Variants in NCOA2 observed in about 807,000 individuals in gnomAD.
NCOA2 encodes the protein nuclear receptor coactivator 2, also known as class E basic helix-loop-helix protein 75.
NCOA2 carries 21 observed loss-of-function variants against 145.1 expected under a neutral mutation model. That is an observed-to-expected ratio of 0.14 (90% confidence interval 0.10 to 0.21). The LOEUF (loss-of-function observed/expected upper bound fraction) is 0.21, where lower values mean the gene tolerates loss of function less well. NCOA2 is among the 10% of genes least tolerant of loss of function. The pLI is 1.00. For synonymous variants in NCOA2, 619 were observed against 637.5 expected (o/e 0.97, Z 0.44); for missense variants, 1,472 against 1,837.6 (o/e 0.80, Z 3.64).
rs10649567 is a variant in NCOA2, at chr8:70,330,216, A to G, written c.-76-33416T>C. Among the ~76,000 whole-genome samples, 592 of 150,898 alleles carry G rather than the reference A, an allele frequency of 3.9e-3. 9 individuals carry two copies. Among genetic ancestry groups the G allele is most frequent in the African/African-American group, 0.013 (537 of 40,956 alleles). ...AATAAATGATGATGATGATGATGATAATGATGATGATGATGATGATGATCT... is the reference window on the plus strand; with the variant it reads ...AATAAATGATGATGATGATGATGATGATGATGATGATGATGATGATGATCT... On this transcript the variant is annotated intron_variant, in intron 1 of 22. Coordinates refer to ENST00000452400, the MANE Select transcript of NCOA2 (RefSeq NM_006540.4).
chr8:70,389,557 G>C (rs896241505), intron 1 of NCOA2, among the ~76,000 whole-genome samples: 2 of 152,020 alleles, frequency 1.3e-5, no homozygotes, highest in African/African-American at 2.4e-5. Context: ...TGGGATTACA[G>C]GCATGAGCCA....
At chr8:70,211,124 G>C (rs1324658470) in intron 4 of NCOA2, among the ~76,000 whole-genome samples, 2 of 152,086 alleles carry the variant, frequency 1.3e-5, no homozygotes, top group Non-Finnish European at 2.9e-5. Context: ...GGAGTGGTAC[G>C]CATGGGTTGC....
At chr8:70,267,770 A>G (rs1233776913) in intron 2 of NCOA2, among the ~76,000 whole-genome samples, 4 of 152,164 alleles carry the variant, frequency 2.6e-5, no homozygotes, top group African/African-American at 7.2e-5. Context: ...ATAAAATTCT[A>G]TTTTTAAAAT....
intron 5 of NCOA2, among the ~76,000 whole-genome samples, chr8:70,174,168 T>C (rs959016597): frequency 6.6e-6 from 1 of 152,204 alleles, no homozygotes; most frequent in Non-Finnish European, 1.5e-5. Context: ...GTTAATAAAA[T>C]AGAAAAACTG....
chr8:70,366,272 A>G (rs1586608728), intron 1 of NCOA2, among the ~76,000 whole-genome samples: 1 of 152,306 alleles, frequency 6.6e-6, no homozygotes, highest in Middle Eastern at 3.4e-3. Context: ...GATTTGAGAA[A>G]AGGACACAGA....
At chr8:70,434,143 CT>C in the NCOA2 span, among the ~76,000 whole-genome samples, 2 of 152,136 alleles carry the variant, frequency 1.3e-5, no homozygotes, top group African/African-American at 4.8e-5. Flanking sequence ...CAAGGAGGAG[CT>C]CCAAAATAAT....
intron 1 of NCOA2, among the ~76,000 whole-genome samples, chr8:70,367,533 G>A (rs1810824786): frequency 6.6e-6 from 1 of 152,120 alleles, no homozygotes; most frequent in Non-Finnish European, 1.5e-5. Flanking sequence ...TGGAGTTACT[G>A]CACAGAGGGA....
In NCOA2 at chr8:70,138,236, G is replaced by T; in HGVS notation, c.3125C>A (p.Pro1042His). Residue 1042 changes from proline to histidine, a missense_variant, in exon 15 of 23, where the codon CCT becomes CAT. Coordinates refer to ENST00000452400, the MANE Select transcript of NCOA2 (RefSeq NM_006540.4). ...GCTGGCAAAAGACGCCTGGTCTATA[G>T]GCAGGATGCTTTCAGGCCATGGGGC... Reference protein sequence around the residue: ...QTAPWPESILPIDQASFASQN... With the variant: ...QTAPWPESILHIDQASFASQN... 6.2e-7 allele frequency: 1 copy of T among 1,613,854 alleles called. No individual in the cohort carries two copies. The highest frequency in any genetic ancestry group is 8.5e-7 in the Non-Finnish European group (1 of 1,179,808).
At chr8:70,438,300 A>G in the NCOA2 span, among the ~76,000 whole-genome samples, 1 of 152,316 alleles carries the variant, frequency 6.6e-6, no homozygotes, top group African/African-American at 2.4e-5. Flanking sequence ...TTCTATTAAA[A>G]GTGTATTGTA....
At chr8:70,455,457 T>G in the NCOA2 span, among the ~76,000 whole-genome samples, 1 of 152,222 alleles carries the variant, frequency 6.6e-6, no homozygotes, top group Admixed American at 6.5e-5. Context: ...GTTTACCTGG[T>G]GTATTTCAGG....
chr8:70,118,040 C>A (rs990179065), intron 22 of NCOA2, among the ~76,000 whole-genome samples: 3 of 152,080 alleles, frequency 2.0e-5, no homozygotes, highest in Admixed American at 6.5e-5. Flanking sequence ...GGGGCCCATG[C>A]AATATTTGAG....
chr8:70,362,138 T>G (rs1253317887), intron 1 of NCOA2, among the ~76,000 whole-genome samples: 1 of 152,104 alleles, frequency 6.6e-6, no homozygotes, highest in East Asian at 1.9e-4. Context: ...TGTATTGCCC[T>G]AAAGGACCTA....
At chr8:70,432,951 G>T in the NCOA2 span, among the ~76,000 whole-genome samples, 17,676 of 151,976 alleles carry the variant, frequency 0.12, 1,149 homozygotes, top group Middle Eastern at 0.22. Context: ...TTTATATATT[G>T]ATTACAGGCT....
the NCOA2 span, among the ~76,000 whole-genome samples, chr8:70,408,867 A>T: frequency 6.9e-6 from 1 of 144,204 alleles, no homozygotes; most frequent in Non-Finnish European, 1.5e-5. Flanking sequence ...GGCTGAAGTG[A>T]TCTGCCCACC....
chr8:70,392,350 T>C (rs546705030), intron 1 of NCOA2, among the ~76,000 whole-genome samples: 5 of 152,354 alleles, frequency 3.3e-5, no homozygotes, highest in East Asian at 1.9e-4. Flanking sequence ...CGTTCATTGG[T>C]TGGTGGCAGA....
chr8:70,285,632 C>A (rs923486797), intron 2 of NCOA2, among the ~76,000 whole-genome samples: 1 of 152,206 alleles, frequency 6.6e-6, no homozygotes, highest in Non-Finnish European at 1.5e-5. Flanking sequence ...CTTTGTAATC[C>A]CATTCACGTA....
chr8:70,236,055 C>T (rs903868136), intron 2 of NCOA2, among the ~76,000 whole-genome samples: 1 of 152,024 alleles, frequency 6.6e-6, no homozygotes, highest in African/African-American at 2.4e-5. Context: ...CATTTTTATT[C>T]CCCGCCCCCA....
At chr8:70,333,769 C>T (rs924071458) in intron 1 of NCOA2, among the ~76,000 whole-genome samples, 1 of 152,094 alleles carries the variant, frequency 6.6e-6, no homozygotes, top group African/African-American at 2.4e-5. Flanking sequence ...GATTCTTCAC[C>T]CAGACTGTTA....
intron 2 of NCOA2, among the ~76,000 whole-genome samples, chr8:70,293,486 T>C (rs1563732020): frequency 6.6e-6 from 1 of 152,218 alleles, no homozygotes; most frequent in Non-Finnish European, 1.5e-5. Context: ...ACATGAAGTA[T>C]ATATTGTGTT....
Sources: gnomAD v4.1 joint callset for allele counts (sites outside exome capture counted in the v4.1 genomes callset) on GRCh38, gnomAD v4.1.1 for gene constraint, MANE v1.5 for transcripts, NCBI Gene and HGNC (gene_info 2026-07-23, HGNC 2026-07-21) for gene names.